QPRT: variants seen among roughly 807,000 people sequenced by gnomAD.
The protein encoded by QPRT is nicotinate-nucleotide pyrophosphorylase [carboxylating].
QPRT carries 17 observed loss-of-function variants against 19.8 expected under a neutral mutation model. The observed-to-expected ratio is 0.86, with a 90% CI of 0.59 to 1.29. The LOEUF is 1.29. Among genes scored for constraint, QPRT ranks in the 50% most tolerant of loss-of-function variants. The probability of loss-of-function intolerance (pLI) is 0.00; values close to 1 mark genes in which losing one functional copy is unlikely to be tolerated. For missense variants in QPRT, 336 were observed against 405.1 expected (o/e 0.83, Z 1.46); for synonymous variants, 178 against 191.0 (o/e 0.93, Z 0.56).
In QPRT at chr16:29,694,948, G is replaced by T; in HGVS notation, c.298G>T (p.Gly100Trp). 1 of 1,611,744 alleles carries T rather than the reference G, an allele frequency of 6.2e-7. No homozygotes were observed. The highest frequency in any genetic ancestry group is 8.5e-7 in the Non-Finnish European group (1 of 1,179,710). ...GGGCCCTGCCCACTGCCTGCTGCTG[G>T]GGGAACGGGTGGCCCTCAACACGCT... ...VRGPAHCLLL[G>W]ERVALNTLAR... The change falls in exon 2 of 4, where the codon GGG (glycine) becomes TGG (tryptophan). Residue 100 changes from glycine to tryptophan, a missense_variant. Physicochemically the swap from Gly to Trp is radical, Grantham distance 184 (BLOSUM62 -2). Coordinates refer to ENST00000395384, the MANE Select transcript of QPRT (RefSeq NM_014298.6).
At chr16:29,687,313 T>C (rs1282955765) in intron 1 of QPRT, among the ~76,000 whole-genome samples, 3 of 152,214 alleles carry the variant, frequency 2.0e-5, no homozygotes, top group African/African-American at 4.8e-5. Context: ...TGTGCTGCTT[T>C]TATTGGTCAA....
At position 29,695,191 on chromosome 16, in the gene QPRT, G is replaced by C; in HGVS notation, c.541G>C (p.Val181Leu). The change falls in exon 2 of 4, where the codon GTG becomes CTG. Residue 181 changes from valine to leucine, a missense_variant. Physicochemically the swap from Val to Leu is conservative, Grantham distance 32 (BLOSUM62 1). Coordinates refer to ENST00000395384, the MANE Select transcript of QPRT (RefSeq NM_014298.6). ...KDNHVVAAGG[V>L]EKAVRAARQA... is the part of the protein sequence containing the mutation. ...TAACCATGTGGTGGCCGCCGGTGGC[G>C]TGGAGAAGGTGCTGGTCCTGCCTGT... is the stretch of plus-strand genomic sequence containing the variant. 6.5e-7 allele frequency: 1 copy of C among 1,543,606 alleles called. No individual in the cohort carries two copies. The highest frequency in any genetic ancestry group is 1.2e-5 in the South Asian group (1 of 82,514).
At chr16:29,695,849 G>C (rs1179659251) in intron 2 of QPRT, 1 of 140,286 alleles carries the variant, frequency 7.1e-6, no homozygotes, top group East Asian at 2.1e-4. Flanking sequence ...GCCCAGGCTG[G>C]TCTCAAACTT....
At chr16:29,692,586 G>C (rs1967381495) in intron 1 of QPRT, among the ~76,000 whole-genome samples, 1 of 151,746 alleles carries the variant, frequency 6.6e-6, no homozygotes, top group South Asian at 2.1e-4. Context: ...AAAAAGTGTG[G>C]GTATATAGTA....
chr16:29,692,640 G>A (rs1967384103), intron 1 of QPRT, among the ~76,000 whole-genome samples: 1 of 152,160 alleles, frequency 6.6e-6, no homozygotes, highest in Non-Finnish European at 1.5e-5. Flanking sequence ...GGCATGCAAT[G>A]CATAATAATC....
chr16:29,697,616 G>C lies in QPRT; in HGVS notation c.*205G>C. ...TCTCAGTTTCCTAATCTGTAAAATG[G>C]GTCTAATAAAGGATCAACCACATGG... is the stretch of plus-strand genomic sequence containing the variant. On this transcript the variant is annotated 3_prime_UTR_variant, in exon 4 of 4. Transcript: ENST00000395384. This position sits in a 1 kb window ranked among gnomAD's most constrained non-coding sequence, Gnocchi z 4.4. 1.7e-6 allele frequency: 1 copy of C among 598,308 alleles called. No homozygotes were observed. Among genetic ancestry groups the C allele is most frequent in the Non-Finnish European group, 2.9e-6 (1 of 342,908 alleles). 37.1% of individuals were successfully genotyped at this position (598,308 alleles called of 1,614,324 possible). A position where few individuals can be genotyped will look rare whatever the true frequency, so the allele number is the denominator to read the frequency against.
chr16:29,692,801 C>G (rs1423862195), intron 1 of QPRT, among the ~76,000 whole-genome samples: 1 of 152,162 alleles, frequency 6.6e-6, no homozygotes, highest in Admixed American at 6.5e-5. Context: ...CAGTGGCTCA[C>G]GCCTGTAATC....
At chr16:29,690,731 C>A (rs1312484782) in intron 1 of QPRT, among the ~76,000 whole-genome samples, 2 of 152,120 alleles carry the variant, frequency 1.3e-5, no homozygotes, top group Non-Finnish European at 2.9e-5. Context: ...AGTCTGTGGT[C>A]CAGGCTGGAG....
At chr16:29,683,027 CTT>C (rs1427797545) in intron 1 of QPRT, among the ~76,000 whole-genome samples, 14 of 136,190 alleles carry the variant, frequency 1.0e-4, no homozygotes, top group Admixed American at 7.4e-5. Context: ...CTGACTGATT[CTT>C]TTTTTTTTTT....
chr16:29,684,186 C>A (rs1259699560), intron 1 of QPRT, among the ~76,000 whole-genome samples: 1 of 152,092 alleles, frequency 6.6e-6, no homozygotes, highest in Non-Finnish European at 1.5e-5. Flanking sequence ...GTGGTGCAAT[C>A]ACAGGTCACT....
At chr16:29,693,653 C>G (rs1215196018) in intron 1 of QPRT, among the ~76,000 whole-genome samples, 2 of 152,012 alleles carry the variant, frequency 1.3e-5, no homozygotes, top group Non-Finnish European at 2.9e-5. Flanking sequence ...GTGGCGTGAC[C>G]TCGGCTCACT....
In QPRT at chr16:29,679,180, A is replaced by G; in HGVS notation, c.-18A>G. On this transcript the variant is annotated 5_prime_UTR_variant, in exon 1 of 4. Transcript: ENST00000395384. ...TCCTGAGCAGCCAACACACCAGCCCAGACAGCTGCAAGTCACCATGGACGC... is the reference window on the plus strand; with the variant it reads ...TCCTGAGCAGCCAACACACCAGCCCGGACAGCTGCAAGTCACCATGGACGC... 3.7e-6 allele frequency: 6 copies of G among 1,613,296 alleles called. No homozygotes were observed. Among genetic ancestry groups the G allele is most frequent in the Non-Finnish European group, 5.1e-6 (6 of 1,179,548 alleles).
At position 29,697,127 on chromosome 16, in the gene QPRT, G is replaced by A. The variant is rs768760135; in HGVS notation, c.681G>A (p.Glu227=). The change falls in exon 3 of 4, where the codon GAG becomes GAA. Residue 227 remains glutamate, a splice_region_variant and synonymous_variant. Transcript: ENST00000395384. This position sits in a 1 kb window ranked among gnomAD's most constrained non-coding sequence, Gnocchi z 4.4. ...DLVLLDNFKP[E]ELHPTATVLK... ...TCCTGCTGGACAACTTCAAGCCAGA[G>A]GTAAGGTGGGCTCTGCCTCCGGGGA... is the stretch of plus-strand genomic sequence containing the variant. 1.4e-5 allele frequency: 22 copies of A among 1,602,778 alleles called. No homozygotes were observed. The highest frequency in any genetic ancestry group is 1.7e-5 in the Admixed American group (1 of 59,416).
At chr16:29,695,392 G>A (rs1967499751) in intron 2 of QPRT, among the ~76,000 whole-genome samples, 193 bp downstream of exon 2, 1 of 151,986 alleles carries the variant, frequency 6.6e-6, no homozygotes, top group South Asian at 2.1e-4. Context: ...CTAAAGGGGA[G>A]CTGGGCCTGC....
chr16:29,679,165 C>G (rs1966916263), upstream of QPRT: 1 of 1,613,714 alleles, frequency 6.2e-7, no homozygotes, highest in Non-Finnish European at 8.5e-7. Flanking sequence ...TCCTGAGCAG[C>G]CAACACACCA....
At chr16:29,689,638 G>A (rs774569440) in intron 1 of QPRT, among the ~76,000 whole-genome samples, 1 of 152,064 alleles carries the variant, frequency 6.6e-6, no homozygotes, top group Non-Finnish European at 1.5e-5. Flanking sequence ...GGAAACCAAG[G>A]AACCAGACCC....
At chr16:29,685,741 T>G (rs933410582) in intron 1 of QPRT, among the ~76,000 whole-genome samples, 1 of 152,118 alleles carries the variant, frequency 6.6e-6, no homozygotes, top group Admixed American at 6.6e-5. Context: ...GGATCACACT[T>G]GTAATCCCAG....
intron 1 of QPRT, among the ~76,000 whole-genome samples, chr16:29,685,151 G>T (rs140389952): frequency 1.9e-3 from 295 of 152,198 alleles, no homozygotes; most frequent in African/African-American, 6.8e-3. Context: ...ATCTCTTTTG[G>T]TTTTTTTGAA....
intron 1 of QPRT, among the ~76,000 whole-genome samples, chr16:29,686,520 G>A (rs537062658): frequency 5.9e-5 from 9 of 152,220 alleles, no homozygotes; most frequent in Middle Eastern, 3.4e-3. Context: ...TTTTTGAGAC[G>A]CAGTCTTGCT....
Sources: allele counts gnomAD v4.1 joint callset (sites outside exome capture counted in the v4.1 genomes callset), GRCh38; gene constraint gnomAD v4.1.1; non-coding constraint Gnocchi (gnomAD v3.1); transcripts MANE v1.5; gene names NCBI Gene and HGNC (gene_info 2026-07-23, HGNC 2026-07-21).